The following RUNDC3B variants were observed in gnomAD, a reference collection of about 807,000 sequenced individuals.
The protein encoded by RUNDC3B is RUN domain containing 3B.
In RUNDC3B, 33 loss-of-function variants were observed where a neutral mutation model predicts 58.4. The ratio of observed to expected loss-of-function variants is 0.56; its 90% CI spans 0.43 to 0.75. The LOEUF (loss-of-function observed/expected upper bound fraction) is 0.75. Among genes scored for constraint, RUNDC3B ranks in the 30% least tolerant of loss-of-function variants. The pLI is 0.00. For synonymous variants in RUNDC3B, 193 were observed against 195.2 expected (o/e 0.99, Z 0.10); for missense variants, 501 against 535.7 (o/e 0.94, Z 0.64).
At chr7:87,685,819 T>C (rs767152819) in intron 2 of RUNDC3B, among the ~76,000 whole-genome samples, 3 of 152,224 alleles carry the variant, frequency 2.0e-5, no homozygotes, top group Admixed American at 6.5e-5. Context: ...GGAATAAATG[T>C]ATAACTCCCC....
intron 4 of RUNDC3B, among the ~76,000 whole-genome samples, chr7:87,715,322 T>C (rs1830474007): frequency 7.6e-6 from 1 of 131,498 alleles, no homozygotes; most frequent in Admixed American, 8.7e-5. Flanking sequence ...TAATTTATAA[T>C]AATTATATAT....
intron 2 of RUNDC3B, among the ~76,000 whole-genome samples, chr7:87,675,763 CAAATT>C (rs1826292248): frequency 6.8e-6 from 1 of 148,104 alleles, no homozygotes; most frequent in African/African-American, 2.5e-5. Flanking sequence ...CAACTCAAAA[CAAATT>C]AAATAATTTA....
intron 1 of RUNDC3B, among the ~76,000 whole-genome samples, chr7:87,646,756 T>C (rs892080988): frequency 3.4e-4 from 52 of 152,144 alleles, no homozygotes; most frequent in African/African-American, 1.3e-3. Context: ...GGCAGCATTA[T>C]TCTTGTGTAT....
At chr7:87,683,783 T>C (rs967468829) in intron 2 of RUNDC3B, among the ~76,000 whole-genome samples, 1 of 152,166 alleles carries the variant, frequency 6.6e-6, no homozygotes, top group Non-Finnish European at 1.5e-5. Context: ...GCACATGCTA[T>C]TGGAAAAATT....
At chr7:87,819,212 T>C (rs896684668) in intron 10 of RUNDC3B, among the ~76,000 whole-genome samples, 1 of 152,076 alleles carries the variant, frequency 6.6e-6, no homozygotes, top group Non-Finnish European at 1.5e-5. Context: ...TCAACACCAT[T>C]AGAGGGTAAT....
At chr7:87,776,390 A>T (rs1220786676) in intron 7 of RUNDC3B, among the ~76,000 whole-genome samples, 1 of 152,186 alleles carries the variant, frequency 6.6e-6, no homozygotes, top group Non-Finnish European at 1.5e-5. Context: ...GAGCAAATGA[A>T]CTATAGCTAG....
At chr7:87,709,150 C>T (rs776090901) in intron 3 of RUNDC3B, 1 of 524,226 alleles carries the variant, frequency 1.9e-6, no homozygotes. Context: ...CATTCAAATA[C>T]AGGAAACTAA....
At chr7:87,759,400 A>G (rs1024334088) in intron 6 of RUNDC3B, among the ~76,000 whole-genome samples, 11 of 152,116 alleles carry the variant, frequency 7.2e-5, no homozygotes, top group Non-Finnish European at 5.9e-5. Context: ...AATGAATAAG[A>G]TCTAGTATTT....
intron 8 of RUNDC3B, among the ~76,000 whole-genome samples, chr7:87,803,247 C>G (rs1053025696): frequency 6.6e-6 from 1 of 151,866 alleles, no homozygotes. Flanking sequence ...GCTCTTTGAA[C>G]CTTAACTGAA....
chr7:87,776,269 A>G (rs1048677725), intron 7 of RUNDC3B, among the ~76,000 whole-genome samples: 7 of 152,162 alleles, frequency 4.6e-5, no homozygotes, highest in African/African-American at 1.7e-4. Flanking sequence ...TCACAGCAAT[A>G]TTGTTTATAT....
At chr7:87,630,153 A>G (rs565031345) in intron 1 of RUNDC3B, among the ~76,000 whole-genome samples, 1 of 152,182 alleles carries the variant, frequency 6.6e-6, no homozygotes, top group Non-Finnish European at 1.5e-5. Context: ...TCAGATGATG[A>G]TGAAACTTTT....
chr7:87,726,376 A>C (rs1398841372), intron 4 of RUNDC3B, among the ~76,000 whole-genome samples: 1 of 152,110 alleles, frequency 6.6e-6, no homozygotes, highest in African/African-American at 2.4e-5. Flanking sequence ...GGTTTTTGTC[A>C]GGTTCGTCAA....
At chr7:87,683,109 A>G (rs1329590798) in intron 2 of RUNDC3B, among the ~76,000 whole-genome samples, 3 of 152,130 alleles carry the variant, frequency 2.0e-5, no homozygotes, top group South Asian at 4.1e-4. Context: ...TTCATGAACC[A>G]ACCTCTGCTA....
chr7:87,824,572 C>A (rs976469613), intron 10 of RUNDC3B, among the ~76,000 whole-genome samples: 1 of 152,016 alleles, frequency 6.6e-6, no homozygotes, highest in African/African-American at 2.4e-5. Context: ...TGAAAAGATA[C>A]CCAAACATGT....
At chr7:87,714,044 G>A (rs1830323883) in intron 4 of RUNDC3B, among the ~76,000 whole-genome samples, 1 of 152,134 alleles carries the variant, frequency 6.6e-6, no homozygotes, top group African/African-American at 2.4e-5. Flanking sequence ...AGCTGTCACA[G>A]AGAGAAAAAA....
intron 2 of RUNDC3B, among the ~76,000 whole-genome samples, chr7:87,653,327 A>G (rs1585010330): frequency 1.3e-5 from 2 of 152,124 alleles, no homozygotes; most frequent in Non-Finnish European, 2.9e-5. Flanking sequence ...TATGTAGAAC[A>G]TTTTGTTGAA....
intron 9 of RUNDC3B, among the ~76,000 whole-genome samples, chr7:87,810,418 G>T (rs189627560): frequency 4.6e-5 from 7 of 152,254 alleles, no homozygotes; most frequent in Admixed American, 3.3e-4. Context: ...TTTGTAACTA[G>T]CTGAAACCTG....
intron 1 of RUNDC3B, among the ~76,000 whole-genome samples, chr7:87,634,419 C>T (rs1263032222): frequency 6.9e-6 from 1 of 145,506 alleles, no homozygotes; most frequent in African/African-American, 2.6e-5. Context: ...GTCAAGAGTT[C>T]GAGACCAGCC....
chr7:87,640,127 A>G (rs955399020), intron 1 of RUNDC3B, among the ~76,000 whole-genome samples: 1 of 149,958 alleles, frequency 6.7e-6, no homozygotes, highest in African/African-American at 2.4e-5. Context: ...AACTTTTACT[A>G]CTTCTCCAAT....
Sources: gnomAD v4.1 joint callset for allele counts (sites outside exome capture counted in the v4.1 genomes callset) on GRCh38, gnomAD v4.1.1 for gene constraint, MANE v1.5 for transcripts, NCBI Gene and HGNC (gene_info 2026-07-23, HGNC 2026-07-21) for gene names.